Variants in STK35 observed in about 807,000 individuals in gnomAD.
STK35 encodes serine/threonine kinase 35, also known as serine/threonine-protein kinase 35.
STK35 carries 17 observed loss-of-function variants against 37.3 expected under a neutral mutation model. The observed-to-expected ratio is 0.46, with a 90% CI of 0.31 to 0.68. STK35 has a LOEUF of 0.68. Ranked by LOEUF, STK35 falls within the 30% of genes least tolerant of loss-of-function variation. STK35 has a pLI of 0.05. For synonymous variants in STK35, 385 were observed against 319.1 expected (o/e 1.21, Z -2.20); for missense variants, 595 against 746.7 (o/e 0.80, Z 2.37).
chr20:2,134,260 CAA>C (rs34068371), intron 3 of STK35, among the ~76,000 whole-genome samples: 21 of 119,144 alleles, frequency 1.8e-4, no homozygotes, highest in Admixed American at 2.6e-4. Flanking sequence ...ACTCCGTCTC[CAA>C]AAAAAAAAAA....
At chr20:2,141,328 C>T (rs1222306826) in intron 3 of STK35, among the ~76,000 whole-genome samples, 2 of 152,188 alleles carry the variant, frequency 1.3e-5, no homozygotes, top group Non-Finnish European at 2.9e-5. Context: ...GACCAAGGAA[C>T]AGAAGCAGCA....
At chr20:2,108,053 A>T (rs1985549790) in intron 2 of STK35, among the ~76,000 whole-genome samples, 1 of 152,206 alleles carries the variant, frequency 6.6e-6, no homozygotes, top group African/African-American at 2.4e-5. Context: ...GCCCAATGTA[A>T]AACAGCTAAG....
chr20:2,120,614 C>T (rs1985800213), intron 3 of STK35, among the ~76,000 whole-genome samples: 1 of 152,210 alleles, frequency 6.6e-6, no homozygotes. Context: ...TTGGGAAGAA[C>T]ATTGAGTCTG....
At chr20:2,122,286 C>T (rs1180088539) in intron 3 of STK35, among the ~76,000 whole-genome samples, 1 of 152,050 alleles carries the variant, frequency 6.6e-6, no homozygotes, top group African/African-American at 2.4e-5. Context: ...GAGCCAGGAT[C>T]ACACCACTGC....
At chr20:2,137,458 C>T (rs548219119) in intron 3 of STK35, among the ~76,000 whole-genome samples, 3 of 152,304 alleles carry the variant, frequency 2.0e-5, no homozygotes, top group Admixed American at 1.3e-4. Context: ...GCTCAGATGT[C>T]GTAAGGCGTG....
chr20:2,132,520 G>C (rs1471220322), intron 3 of STK35, among the ~76,000 whole-genome samples: 2 of 152,230 alleles, frequency 1.3e-5, no homozygotes, highest in Non-Finnish European at 2.9e-5. Flanking sequence ...AAAAAGACAA[G>C]GGTGAGTGGG....
chr20:2,138,575 G>C (rs1437162314), intron 3 of STK35, among the ~76,000 whole-genome samples: 4 of 152,188 alleles, frequency 2.6e-5, no homozygotes, highest in African/African-American at 9.7e-5. Context: ...CTTCCCTGAG[G>C]GAGCACTGGA....
intron 3 of STK35, among the ~76,000 whole-genome samples, chr20:2,130,420 T>C (rs1251033076): frequency 2.0e-5 from 3 of 152,194 alleles, no homozygotes; most frequent in Non-Finnish European, 2.9e-5. Flanking sequence ...TCTGTCCTTA[T>C]TTGCATCTGC....
At chr20:2,134,409 C>T (rs1986050575) in intron 3 of STK35, among the ~76,000 whole-genome samples, 1 of 152,158 alleles carries the variant, frequency 6.6e-6, no homozygotes, top group South Asian at 2.1e-4. Context: ...GCCTGATTTC[C>T]CTCAGCCCCA....
chr20:2,135,979 G>A (rs1044138989), intron 3 of STK35, among the ~76,000 whole-genome samples: 1 of 152,170 alleles, frequency 6.6e-6, no homozygotes, highest in African/African-American at 2.4e-5. Context: ...GCCTGACAGA[G>A]CAAGGCCCTA....
rs1204004839 is a variant in STK35, at chr20:2,144,147, CCT to C, written c.*404_*405del. The C allele has an allele frequency of 2.3e-5, 7 of 308,604 alleles. No homozygotes were observed. Among genetic ancestry groups the C allele is most frequent in the South Asian group, 1.2e-4 (5 of 40,198 alleles). 19.1% of individuals were successfully genotyped at this position (308,604 alleles called of 1,614,324 possible). ...ATTTTTGGTTTTGTCCTTCACTTTC[CCT>C]CTGTCTTCCTTCTTTATACTTTTCT... On this transcript the variant is annotated 3_prime_UTR_variant, in exon 4 of 4. Transcript: ENST00000381482.
At chr20:2,121,547 A>G (rs947437) in intron 3 of STK35, among the ~76,000 whole-genome samples, 68,227 of 151,984 alleles carry the variant, frequency 0.45, 16,253 homozygotes, top group East Asian at 0.94. Context: ...CCTATTTAGA[A>G]TCCAACTACA....
Position 2,102,056 on chromosome 20 carries a change from C to A in STK35, c.175C>A (p.Arg59=). The A allele has an allele frequency of 2.6e-6, 4 of 1,522,864 alleles. No individual in the cohort carries two copies. Among genetic ancestry groups the A allele is most frequent in the Non-Finnish European group, 2.6e-6 (3 of 1,140,056 alleles). 94.3% of individuals were successfully genotyped at this position (1,522,864 alleles called of 1,614,324 possible). A position where few individuals can be genotyped will look rare whatever the true frequency, so the allele number is the denominator to read the frequency against. ...AAEGSATRRA[R]AATSRAARSR... The stretch of plus-strand genomic sequence containing the variant: ...AGAAGGATCCGCTACACGCCGGGCT[C>A]GGGCCGCCACCTCCCGCGCTGCTCG... The change falls in exon 1 of 4, where the codon CGG becomes AGG. Residue 59 remains arginine, a synonymous_variant. Transcript: ENST00000381482.
At position 2,102,750 on chromosome 20, in the gene STK35, C is replaced by T. The variant is rs767543365; in HGVS notation, c.295-18C>T. 1.4e-6 allele frequency: 2 copies of T among 1,409,880 alleles called. No homozygotes were observed. The highest frequency in any genetic ancestry group is 3.0e-5 in the African/African-American group (2 of 67,360). The allele number at this position is 1,409,880 out of a possible 1,614,324, so 87.3% of individuals were successfully genotyped here. A position where few individuals can be genotyped will look rare whatever the true frequency, so the allele number is the denominator to read the frequency against. Reference sequence around the variant, plus strand: ...CCCCGCCTTGGCCTGGCCGTTTAACCGATTCTTTCGCCCGCAGGTCACAAT... The same window carrying T: ...CCCCGCCTTGGCCTGGCCGTTTAACTGATTCTTTCGCCCGCAGGTCACAAT... On this transcript the variant is annotated intron_variant, in intron 1 of 3. Transcript: ENST00000381482.
At chr20:2,115,166 G>A (rs1209518469) in intron 2 of STK35, among the ~76,000 whole-genome samples, 6 of 152,166 alleles carry the variant, frequency 3.9e-5, no homozygotes, top group Admixed American at 1.3e-4. Context: ...AGGGCTATCC[G>A]ATTGTGATCA....
intron 3 of STK35, among the ~76,000 whole-genome samples, chr20:2,119,817 C>CT (rs1985784529): frequency 6.6e-6 from 1 of 152,218 alleles, no homozygotes; most frequent in African/African-American, 2.4e-5. Flanking sequence ...GGTTCCCTCC[C>CT]TTTCCCTTCA....
rs1434664357 is a variant in STK35 at position 2,102,857 on chromosome 20, C to G, written c.384C>G (p.Pro128=). The change falls in exon 2 of 4, where the codon CCC becomes CCG. Residue 128 remains proline, a synonymous_variant. Coordinates refer to ENST00000381482, the MANE Select transcript of STK35 (RefSeq NM_080836.4). The part of the protein sequence containing the change: ...GGARAAPLLL[P]PPPAAMETGK... The stretch of plus-strand genomic sequence containing the variant: ...CCCGGGCAGCGCCGTTGCTGCTCCC[C>G]CCGCCGCCCGCAGCCATGGAAACGG... 6.4e-7 allele frequency: 1 copy of G among 1,553,604 alleles called. No homozygotes were observed. Among genetic ancestry groups the G allele is most frequent in the Admixed American group, 1.9e-5 (1 of 54,032 alleles).
chr20:2,102,551 G>A (rs1985415235), intron 1 of STK35, among the ~76,000 whole-genome samples: 1 of 152,246 alleles, frequency 6.6e-6, no homozygotes, highest in Non-Finnish European at 1.5e-5. Flanking sequence ...AGAGAGCGGA[G>A]AGTTTGTGCT....
intron 3 of STK35, among the ~76,000 whole-genome samples, chr20:2,131,780 G>T (rs1986005198): frequency 6.9e-6 from 1 of 144,016 alleles, no homozygotes; most frequent in Admixed American, 7.1e-5. Flanking sequence ...GCAGTGGCAC[G>T]ATCTTGGATT....
Sources: allele counts gnomAD v4.1 joint callset (sites outside exome capture counted in the v4.1 genomes callset), GRCh38; gene constraint gnomAD v4.1.1; transcripts MANE v1.5; gene names NCBI Gene and HGNC (gene_info 2026-07-23, HGNC 2026-07-21).